SLC35F4: variants seen among roughly 807,000 people sequenced by gnomAD.
The protein encoded by SLC35F4 is solute carrier family 35 member F4.
SLC35F4 carries 24 observed loss-of-function variants against 44.2 expected under a neutral mutation model. That is an observed-to-expected ratio of 0.54 (90% confidence interval 0.39 to 0.76). The LOEUF (loss-of-function observed/expected upper bound fraction) is 0.76. SLC35F4 is among the 30% of genes least tolerant of loss of function. The pLI is 0.00. For synonymous variants in SLC35F4, 238 were observed against 223.6 expected, an observed-to-expected ratio of 1.06 and a Z score of -0.57; for missense variants, 562 against 586.1, an observed-to-expected ratio of 0.96 and a Z score of 0.42.
At chr14:57,750,467 T>C (rs770425484) in intron 1 of SLC35F4, among the ~76,000 whole-genome samples, 5 of 152,176 alleles carry the variant, frequency 3.3e-5, no homozygotes, top group Non-Finnish European at 5.9e-5. Flanking sequence ...CTGTTTTCTA[T>C]AGAGGTTGTA....
chr14:57,972,956 G>T (rs1052615801), downstream of SLC35F4, among the ~76,000 whole-genome samples: 1 of 152,224 alleles, frequency 6.6e-6, no homozygotes, highest in African/African-American at 2.4e-5. Context: ...GACAGATGCT[G>T]ATCTTAATGC....
At chr14:57,776,299 C>T (rs1595031936) in intron 1 of SLC35F4, among the ~76,000 whole-genome samples, 2 of 152,108 alleles carry the variant, frequency 1.3e-5, no homozygotes, top group Non-Finnish European at 1.5e-5. Flanking sequence ...ATGCAACAAA[C>T]CCCTGCAAAA....
At chr14:57,981,957 CAG>C (rs1273366421) in exon 1 of SLC35F4, 3 of 151,076 alleles carry the variant, frequency 2.0e-5, no homozygotes, top group Non-Finnish European at 1.5e-5. Context: ...TTGCAACTCA[CAG>C]ACTGTCTTCT....
intron 1 of SLC35F4, among the ~76,000 whole-genome samples, chr14:57,889,246 C>T (rs762769163): frequency 1.3e-5 from 2 of 152,214 alleles, no homozygotes; most frequent in African/African-American, 4.8e-5. Flanking sequence ...CTAACACTGC[C>T]ATGCGGTGCA....
intron 1 of SLC35F4, among the ~76,000 whole-genome samples, chr14:57,610,984 G>A (rs1008482525): frequency 6.6e-6 from 1 of 152,216 alleles, no homozygotes; most frequent in Non-Finnish European, 1.5e-5. Flanking sequence ...ACGCAAGAGT[G>A]GGTAGTGATT....
intron 1 of SLC35F4, among the ~76,000 whole-genome samples, chr14:57,677,220 G>C (rs1034249739): frequency 6.6e-6 from 1 of 151,948 alleles, no homozygotes; most frequent in South Asian, 2.1e-4. Context: ...AGGATGCAAA[G>C]GAATAAGAAT....
intron 1 of SLC35F4, among the ~76,000 whole-genome samples, chr14:57,628,405 C>G (rs944439985): frequency 7.2e-6 from 1 of 139,688 alleles, no homozygotes; most frequent in African/African-American, 2.7e-5. Context: ...CCCATCAACC[C>G]GTCATTTACA....
intron 1 of SLC35F4, among the ~76,000 whole-genome samples, chr14:57,690,271 A>T (rs1039558373): frequency 6.6e-6 from 1 of 152,204 alleles, no homozygotes; most frequent in Non-Finnish European, 1.5e-5. Context: ...ATACAGTAGC[A>T]AATAAGAAAG....
In SLC35F4 at chr14:57,784,337, G is replaced by C. The variant is rs549124560; in HGVS notation, c.103+81386C>G. Among the ~76,000 whole-genome samples the C allele has an allele frequency of 1.3e-3, 193 of 152,280 alleles. 1 individual carries two copies. Among genetic ancestry groups the C allele is most frequent in the African/African-American group, 4.4e-3 (181 of 41,556 alleles). On this transcript the variant is annotated intron_variant, in intron 1 of 7. Transcript: ENST00000556826. ...TTTTACAACATAGACCTTTTGTGTG[G>C]TACAGGCACTGAAACTAAATTAGAT...
At chr14:57,840,421 A>G (rs543489068) in intron 1 of SLC35F4, among the ~76,000 whole-genome samples, 13 of 152,342 alleles carry the variant, frequency 8.5e-5, no homozygotes, top group Non-Finnish European at 1.8e-4. Flanking sequence ...CTGAAAATAG[A>G]ATGAACAACA....
chr14:57,772,780 A>G (rs549752755), intron 1 of SLC35F4, among the ~76,000 whole-genome samples: 1 of 152,284 alleles, frequency 6.6e-6, no homozygotes, highest in African/African-American at 2.4e-5. Context: ...GGTTGCTTCC[A>G]TGACTTTCAT....
chr14:57,568,128 G>C (rs896816934), intron 6 of SLC35F4, among the ~76,000 whole-genome samples: 1 of 152,336 alleles, frequency 6.6e-6, no homozygotes, highest in African/African-American at 2.4e-5. Context: ...GCACAACTTT[G>C]GCACAGTGAG....
chr14:57,866,838 G>A (rs1027706425), upstream of SLC35F4, among the ~76,000 whole-genome samples: 5 of 152,008 alleles, frequency 3.3e-5, no homozygotes. Context: ...TGTGTTCAGA[G>A]CGAACACCCT....
chr14:57,626,873 G>GT (rs2072502959), intron 1 of SLC35F4, among the ~76,000 whole-genome samples: 1 of 151,964 alleles, frequency 6.6e-6, no homozygotes, highest in Non-Finnish European at 1.5e-5. Flanking sequence ...ATGACTGATA[G>GT]AGTGGTATTT....
At chr14:57,599,261 T>C (rs2070672993) in intron 1 of SLC35F4, among the ~76,000 whole-genome samples, 1 of 152,052 alleles carries the variant, frequency 6.6e-6, no homozygotes, top group Non-Finnish European at 1.5e-5. Flanking sequence ...TTAGAAAAGG[T>C]GGTCAAGGTA....
intron 5 of SLC35F4, among the ~76,000 whole-genome samples, chr14:57,570,989 C>G (rs2068470459): frequency 6.6e-6 from 1 of 152,046 alleles, no homozygotes; most frequent in Admixed American, 6.6e-5. Flanking sequence ...GCTTGTCACA[C>G]AGAATCAATG....
At chr14:57,938,114 C>T (rs1321576938) in intron 1 of SLC35F4, among the ~76,000 whole-genome samples, 1 of 151,950 alleles carries the variant, frequency 6.6e-6, no homozygotes, top group African/African-American at 2.4e-5. Context: ...TAGAATGGTT[C>T]AAAAAGATTT....
At chr14:57,817,207 A>T (rs1186613856) in intron 1 of SLC35F4, among the ~76,000 whole-genome samples, 3 of 152,206 alleles carry the variant, frequency 2.0e-5, no homozygotes, top group Admixed American at 6.5e-5. Flanking sequence ...GGCTGGCCTT[A>T]GTAAACTGCA....
chr14:57,922,377 C>T (rs146553923), intron 1 of SLC35F4, among the ~76,000 whole-genome samples: 1 of 152,294 alleles, frequency 6.6e-6, no homozygotes, highest in African/African-American at 2.4e-5. Context: ...AATTATAGAA[C>T]TCTGTTCAAC....
Sources: allele counts gnomAD v4.1 joint callset (sites outside exome capture counted in the v4.1 genomes callset), GRCh38; gene constraint gnomAD v4.1.1; transcripts MANE v1.5; gene names NCBI Gene and HGNC (gene_info 2026-07-23, HGNC 2026-07-21).